The following FNBP4 variants were observed in gnomAD, a reference collection of about 807,000 sequenced individuals.
FNBP4 encodes the protein formin binding protein 4.
FNBP4 carries 34 observed loss-of-function variants against 119.3 expected under a neutral mutation model. The observed-to-expected ratio is 0.28, with a 90% CI of 0.22 to 0.38. FNBP4 has a LOEUF of 0.38. FNBP4 is among the 10% of genes least tolerant of loss of function. The probability of loss-of-function intolerance (pLI) is 1.00; values close to 1 mark genes in which losing one functional copy is unlikely to be tolerated. For missense variants in FNBP4, 1,112 were observed against 1,228.9 expected, an observed-to-expected ratio of 0.90 and a Z score of 1.42; for synonymous variants, 462 against 430.6, an observed-to-expected ratio of 1.07 and a Z score of -0.90.
intron 2 of FNBP4, among the ~76,000 whole-genome samples, chr11:47,759,004 C>T (rs866259443): frequency 6.6e-5 from 10 of 150,452 alleles, no homozygotes; most frequent in African/African-American, 7.3e-5. Flanking sequence ...GTGCAACCTC[C>T]GCCTCCCGGG....
chr11:47,765,211 A>C, intron 2 of FNBP4, 59 bp downstream of exon 2: 1 of 1,138,292 alleles, frequency 8.8e-7, no homozygotes, highest in Non-Finnish European at 1.3e-6. Flanking sequence ...GTACAAACCC[A>C]ACTTGACTTT....
intron 15 of FNBP4, among the ~76,000 whole-genome samples, chr11:47,720,716 T>C (rs550972728): frequency 1.5e-4 from 22 of 150,856 alleles, no homozygotes; most frequent in Non-Finnish European, 2.8e-4. Flanking sequence ...AGAATTACAG[T>C]GTTCCCGTTT....
At chr11:47,729,014 G>T in intron 12 of FNBP4, 1 of 252,440 alleles carries the variant, frequency 4.0e-6, no homozygotes, top group Non-Finnish European at 6.2e-6. Flanking sequence ...ACCACGCCCA[G>T]CTAATTTTTG....
chr11:47,759,372 T>C (rs2097627844), intron 2 of FNBP4, among the ~76,000 whole-genome samples: 1 of 150,236 alleles, frequency 6.7e-6, no homozygotes, highest in Admixed American at 6.6e-5. Flanking sequence ...CCACCACGCC[T>C]GGCTAATTTT....
chr11:47,724,939 T>G, intron 12 of FNBP4, 161 bp from the exon 13 acceptor site: 1 of 1,108,170 alleles, frequency 9.0e-7, no homozygotes, highest in Non-Finnish European at 1.2e-6. Context: ...GAATGGCTCC[T>G]TCCTTGAAAA....
rs535343839 is a variant in FNBP4, at chr11:47,741,700, C to T, written c.1456+2253G>A. ...GCGCAGTGGCAGGCGCCTGTAATCC[C>T]AGCTACTCGGGCGGCTGAGGCCGGG... On this transcript the variant is annotated intron_variant, in intron 8 of 16. Coordinates refer to ENST00000263773, the MANE Select transcript of FNBP4 (RefSeq NM_015308.5). Among the ~76,000 whole-genome samples, 14 of 152,262 alleles carry T rather than the reference C, an allele frequency of 9.2e-5. No homozygotes were observed. In the East Asian group the frequency reaches 2.7e-3, roughly 29 times the overall value.
At chr11:47,722,300 A>G (rs1040081285) in intron 15 of FNBP4, among the ~76,000 whole-genome samples, 67 of 150,932 alleles carry the variant, frequency 4.4e-4, no homozygotes, top group African/African-American at 1.5e-3. Flanking sequence ...CCAGGCTGGA[A>G]TGCAGTGGTG....
At chr11:47,753,242 A>C (rs1199303756) in intron 3 of FNBP4, 140 bp from the exon 4 acceptor site, 2 of 570,098 alleles carry the variant, frequency 3.5e-6, no homozygotes, top group African/African-American at 3.7e-5. Flanking sequence ...TGGGAGGCTG[A>C]GACAGGTGGA....
Position 47,734,138 on chromosome 11 carries a change from C to CA in FNBP4, c.1582-10dup. 3 of 1,510,692 alleles carry CA rather than the reference C, an allele frequency of 2.0e-6. No homozygotes were observed. The highest frequency in any genetic ancestry group is 2.7e-6 in the Non-Finnish European group (3 of 1,116,490). 93.6% of individuals were successfully genotyped at this position (1,510,692 alleles called of 1,614,324 possible). A position where few individuals can be genotyped will look rare whatever the true frequency, so the allele number is the denominator to read the frequency against. ...AGTTCTCCAATCTGAAACTACAATGCAAAAAAGAAAAAAAGTAAAACTAGA... is the reference window on the plus strand; with the variant it reads ...AGTTCTCCAATCTGAAACTACAATGCAAAAAAAGAAAAAAAGTAAAACTAGA... On this transcript the variant is annotated splice_polypyrimidine_tract_variant and intron_variant, in intron 9 of 16. Transcript: ENST00000263773.
chr11:47,728,081 G>A (rs1265630355), intron 12 of FNBP4, among the ~76,000 whole-genome samples: 1 of 151,776 alleles, frequency 6.6e-6, no homozygotes, highest in Admixed American at 6.6e-5. Flanking sequence ...TCTACATATT[G>A]GGTAAGCTGC....
At chr11:47,733,779 A>G (rs1443792269) in intron 10 of FNBP4, among the ~76,000 whole-genome samples, 1 of 152,136 alleles carries the variant, frequency 6.6e-6, no homozygotes, top group Admixed American at 6.6e-5. Context: ...ACACTTACAA[A>G]GTACCTTCAA....
intron 16 of FNBP4, among the ~76,000 whole-genome samples, chr11:47,719,256 ACT>A (rs2097552814): frequency 6.6e-6 from 1 of 152,174 alleles, no homozygotes; most frequent in East Asian, 1.9e-4. Context: ...TATTCCCAAC[ACT>A]CTGGGAGGCT....
chr11:47,752,883 A>G, intron 4 of FNBP4, 33 bp downstream of exon 4: 5 of 1,562,560 alleles, frequency 3.2e-6, no homozygotes, highest in Non-Finnish European at 4.4e-6. Flanking sequence ...TAAGGATTTT[A>G]CTTTTCTTTA....
chr11:47,738,966 A>C (rs2097578055), intron 8 of FNBP4, among the ~76,000 whole-genome samples: 1 of 147,516 alleles, frequency 6.8e-6, no homozygotes. Context: ...CAGCCTCCCA[A>C]ACCGCTGGGA....
chr11:47,759,840 C>G (rs1488060719), intron 2 of FNBP4, among the ~76,000 whole-genome samples: 1 of 152,086 alleles, frequency 6.6e-6, no homozygotes, highest in African/African-American at 2.4e-5. Context: ...GCAATCCCAG[C>G]TACTTGGGAG....
intron 1 of FNBP4, 58 bp from the exon 2 acceptor site, chr11:47,765,420 T>C (rs1480877084): frequency 1.8e-6 from 1 of 558,748 alleles, no homozygotes; most frequent in Non-Finnish European, 2.7e-6. Context: ...AAAAGAAAAC[T>C]GCAGTCAGAT....
rs973217636 is a variant in FNBP4, at chr11:47,743,762, A to C, written c.1456+191T>G. ...ACCATCCAGTGGGTGTCAGCCTCTC[A>C]GGCTCTTACTCCTCTACTAGAAAAA... On this transcript the variant is annotated intron_variant, in intron 8 of 16. Coordinates refer to ENST00000263773, the MANE Select transcript of FNBP4 (RefSeq NM_015308.5). 5.0e-6 allele frequency: 3 copies of C among 596,052 alleles called. No individual in the cohort carries two copies. The African/African-American group carries it at 5.6e-5, about 11-fold the overall frequency. 36.9% of individuals were successfully genotyped at this position (596,052 alleles called of 1,614,324 possible). A position where few individuals can be genotyped will look rare whatever the true frequency, so the allele number is the denominator to read the frequency against.
intron 2 of FNBP4, among the ~76,000 whole-genome samples, 179 bp from the exon 3 acceptor site, chr11:47,754,843 A>C (rs1427643444): frequency 6.6e-6 from 1 of 152,098 alleles, no homozygotes; most frequent in Non-Finnish European, 1.5e-5. Context: ...GTTAAAGCTA[A>C]TAAAAATTGA....
rs375831199 is a variant in FNBP4 at position 47,751,066 on chromosome 11, T to C, written c.786-30A>G. On this transcript the variant is annotated intron_variant, in intron 5 of 16. Coordinates refer to ENST00000263773, the MANE Select transcript of FNBP4 (RefSeq NM_015308.5). ...AAAAATATATACTTAGCAAGAGAAA[T>C]ATAAGACAAATACTATCAGCAAAAG... The C allele has an allele frequency of 2.4e-5, 39 of 1,612,280 alleles. No homozygotes were observed. The African/African-American group carries it at 4.1e-4, about 17-fold the overall frequency.
Sources: allele counts gnomAD v4.1 joint callset (sites outside exome capture counted in the v4.1 genomes callset), GRCh38; gene constraint gnomAD v4.1.1; transcripts MANE v1.5; gene names NCBI Gene and HGNC (gene_info 2026-07-23, HGNC 2026-07-21).